The following ADGRG7 variants were observed in gnomAD, a reference collection of about 807,000 sequenced individuals.
ADGRG7 encodes the protein G-protein coupled receptor 128.
Under a neutral mutation model 88.6 loss-of-function variants are expected in ADGRG7, and 82 were observed. The observed-to-expected ratio is 0.93, with a 90% CI of 0.77 to 1.11. The LOEUF is 1.11. Among genes scored for constraint, ADGRG7 ranks in the 50% most tolerant of loss-of-function variants. ADGRG7 has a pLI of 0.00. For synonymous variants in ADGRG7, 381 were observed against 345.2 expected, an observed-to-expected ratio of 1.10 and a Z score of -1.15; for missense variants, 945 against 953.4, an observed-to-expected ratio of 0.99 and a Z score of 0.12.
rs559136566 is a variant in ADGRG7, at chr3:100,666,941, A to G, written c.1980-2008A>G. 1.4e-4 allele frequency among the ~76,000 whole-genome samples: 21 copies of G among 152,308 alleles called. No individual in the cohort carries two copies. In the South Asian group the frequency reaches 3.5e-3, roughly 26 times the overall value. On this transcript the variant is annotated intron_variant, in intron 14 of 15. Transcript: ENST00000273352. ...TTTAACCCTGAGTTTGACGCAGCAC[A>G]TGTTTCAGAGAGCACGGGGTTGGGG...
intron 11 of ADGRG7, among the ~76,000 whole-genome samples, chr3:100,650,562 G>A (rs1191883490): frequency 6.6e-6 from 1 of 152,184 alleles, no homozygotes; most frequent in African/African-American, 2.4e-5. Context: ...TTTTCCTCAT[G>A]AAGAGATGCA....
chr3:100,686,728 G>C (rs960679119), intron 15 of ADGRG7, among the ~76,000 whole-genome samples: 7 of 152,242 alleles, frequency 4.6e-5, no homozygotes, highest in African/African-American at 1.7e-4. Context: ...CTGTTCCAAT[G>C]GTCTATATCT....
At chr3:100,631,989 T>C (rs1448355840) in intron 3 of ADGRG7, among the ~76,000 whole-genome samples, 1 of 152,154 alleles carries the variant, frequency 6.6e-6, no homozygotes, top group African/African-American at 2.4e-5. Context: ...AAAAGGGGCT[T>C]CTACCATGTT....
intron 14 of ADGRG7, among the ~76,000 whole-genome samples, chr3:100,665,759 A>C (rs2094950935): frequency 6.6e-6 from 1 of 152,246 alleles, no homozygotes; most frequent in South Asian, 2.1e-4. Flanking sequence ...AAATTAGGAT[A>C]TATTTCCTTC....
Position 100,609,918 on chromosome 3 carries a change from C to T in ADGRG7, c.62C>T (p.Thr21Ile). The T allele has an allele frequency of 6.2e-7, 1 of 1,613,998 alleles. No homozygotes were observed. The highest frequency in any genetic ancestry group is 8.5e-7 in the Non-Finnish European group (1 of 1,179,896). Residue 21 changes from threonine to isoleucine, a missense_variant, in exon 1 of 16, where the codon ACT becomes ATT. Physicochemically the swap from Thr to Ile is moderately conservative, Grantham distance 89 (BLOSUM62 -1). Transcript: ENST00000273352. ...GTGGCTGTCGTGTGTGGACTACTGA[C>T]TGGCATCATTTTGGGACTGGGCATC... ...VLVAVVCGLL[T>I]GIILGLGIWR... is the part of the protein sequence containing the mutation.
intron 1 of ADGRG7, among the ~76,000 whole-genome samples, chr3:100,625,642 C>T (rs779738208): frequency 1.7e-4 from 26 of 152,152 alleles, no homozygotes; most frequent in Admixed American, 5.2e-4. Flanking sequence ...TTTGCCCATT[C>T]AGTACGATAT....
At chr3:100,681,767 A>T (rs1249517613) in intron 15 of ADGRG7, among the ~76,000 whole-genome samples, 1 of 152,250 alleles carries the variant, frequency 6.6e-6, no homozygotes, top group Non-Finnish European at 1.5e-5. Flanking sequence ...CTAAGCTGGC[A>T]GAATTCATTA....
chr3:100,630,491 T>G (rs529603725), intron 2 of ADGRG7, among the ~76,000 whole-genome samples: 1 of 152,300 alleles, frequency 6.6e-6, no homozygotes, highest in South Asian at 2.1e-4. Flanking sequence ...TGTGCACATT[T>G]TAACTGGAAC....
chr3:100,679,163 C>G (rs2094969542), intron 15 of ADGRG7, among the ~76,000 whole-genome samples: 1 of 152,184 alleles, frequency 6.6e-6, no homozygotes, highest in Non-Finnish European at 1.5e-5. Context: ...AGCTGGCACT[C>G]AAACCACAAG....
intron 14 of ADGRG7, among the ~76,000 whole-genome samples, chr3:100,661,866 C>G (rs1185229660): frequency 1.3e-5 from 2 of 152,070 alleles, no homozygotes; most frequent in African/African-American, 4.8e-5. Context: ...TTCAGAAATA[C>G]AAAATAAGAT....
chr3:100,694,782 A>T lies in ADGRG7; in HGVS notation c.2175A>T (p.Lys725Asn), dbSNP rs2094999368. Residue 725 changes from lysine to asparagine, a missense_variant, in exon 16 of 16, where the codon AAA becomes AAT. By Grantham distance (94) the Lys-to-Asn change is moderately conservative (BLOSUM62 0). Coordinates refer to ENST00000273352, the MANE Select transcript of ADGRG7 (RefSeq NM_032787.3). ...QIFILYTVRT[K>N]VFQSEASKVL... ...TTATCCTGTACACTGTTAGAACAAA[A>T]GTCTTCCAGAGTGAAGCTTCCAAAG... 4 of 1,614,000 alleles carry T rather than the reference A, an allele frequency of 2.5e-6. No homozygotes were observed. Among genetic ancestry groups the T allele is most frequent in the Non-Finnish European group, 3.4e-6 (4 of 1,179,954 alleles).
At chr3:100,621,549 C>T (rs1192274360) in intron 1 of ADGRG7, among the ~76,000 whole-genome samples, 2 of 152,124 alleles carry the variant, frequency 1.3e-5, no homozygotes, top group Non-Finnish European at 2.9e-5. Context: ...TAACTTGTTT[C>T]AATTCTATGG....
chr3:100,630,370 C>T (rs1303571451), intron 2 of ADGRG7, among the ~76,000 whole-genome samples: 1 of 152,174 alleles, frequency 6.6e-6, no homozygotes, highest in African/African-American at 2.4e-5. Context: ...GCTTTGCCCA[C>T]ATCCTCATGG....
At chr3:100,665,021 T>G in intron 14 of ADGRG7, 3 of 458,990 alleles carry the variant, frequency 6.5e-6, no homozygotes, top group Non-Finnish European at 1.3e-5. Context: ...GGGCAATACA[T>G]AAATACTTTA....
Position 100,690,581 on chromosome 3 carries a change from C to T in ADGRG7, c.2137-4163C>T, listed in dbSNP as rs989653469. Among the ~76,000 whole-genome samples the T allele has an allele frequency of 3.9e-5, 6 of 152,300 alleles. No homozygotes were observed. The South Asian group carries it at 8.3e-4, about 21-fold the overall frequency. On this transcript the variant is annotated intron_variant, in intron 15 of 15. Coordinates refer to ENST00000273352, the MANE Select transcript of ADGRG7 (RefSeq NM_032787.3). ...TCCTTTCTGTTTGATAGTTTTCCTT[C>T]TAACAGTCAGGACCCTCAGCTGCAG...
intron 15 of ADGRG7, among the ~76,000 whole-genome samples, chr3:100,676,031 A>AT (rs2094964894): frequency 6.6e-6 from 1 of 151,616 alleles, no homozygotes; most frequent in Admixed American, 6.6e-5. Flanking sequence ...ATGTTTGTCA[A>AT]TTTTTTTGAT....
At chr3:100,627,478 G>T (rs185814842) in intron 1 of ADGRG7, among the ~76,000 whole-genome samples, 234 of 152,188 alleles carry the variant, frequency 1.5e-3, no homozygotes, top group African/African-American at 5.1e-3. Flanking sequence ...ATTTTTAAAG[G>T]ATTTTTTTGG....
At chr3:100,683,190 T>C (rs927117002) in intron 15 of ADGRG7, among the ~76,000 whole-genome samples, 78 of 152,208 alleles carry the variant, frequency 5.1e-4, no homozygotes, top group African/African-American at 1.8e-3. Context: ...TACCTCATTC[T>C]GGATGCAGGA....
chr3:100,665,469 T>C (rs2094950555), intron 14 of ADGRG7: 2 of 530,580 alleles, frequency 3.8e-6, no homozygotes, highest in South Asian at 2.8e-5. Context: ...CACCAAAGAC[T>C]CACTCATTTC....
Sources: gnomAD v4.1 joint callset for allele counts (sites outside exome capture counted in the v4.1 genomes callset) on GRCh38, gnomAD v4.1.1 for gene constraint, MANE v1.5 for transcripts, NCBI Gene and HGNC (gene_info 2026-07-23, HGNC 2026-07-21) for gene names.